The following ZBTB49 variants were observed in gnomAD, a reference collection of about 807,000 sequenced individuals.
ZBTB49 encodes zinc finger and BTB domain-containing protein 49.
ZBTB49 carries 43 observed loss-of-function variants against 57.5 expected under a neutral mutation model. The ratio of observed to expected loss-of-function variants is 0.75; its 90% CI spans 0.59 to 0.97. ZBTB49 has a LOEUF of 0.97. Among genes scored for constraint, ZBTB49 ranks in the 50% least tolerant of loss-of-function variants. ZBTB49 has a pLI of 0.00. For missense variants in ZBTB49, 938 were observed against 947.7 expected, an observed-to-expected ratio of 0.99 and a Z score of 0.13; for synonymous variants, 369 against 362.1, an observed-to-expected ratio of 1.02 and a Z score of -0.22.
At chr4:4,303,419 T>C (rs906387137) in intron 3 of ZBTB49, among the ~76,000 whole-genome samples, 10 of 152,220 alleles carry the variant, frequency 6.6e-5, no homozygotes, top group Admixed American at 3.9e-4. Flanking sequence ...AATTCTAAAA[T>C]GGATAAGCTA....
chr4:4,318,050 A>C (rs1042350981), intron 7 of ZBTB49, among the ~76,000 whole-genome samples: 3 of 152,128 alleles, frequency 2.0e-5, no homozygotes, highest in African/African-American at 7.2e-5. Flanking sequence ...GCAGGCCCAC[A>C]GCAGTGTGGC....
chr4:4,320,747 G>A lies in ZBTB49; in HGVS notation c.1729G>A (p.Val577Met), dbSNP rs1026708313. The A allele has an allele frequency of 1.2e-6, 2 of 1,614,236 alleles. No individual in the cohort carries two copies. The highest frequency in any genetic ancestry group is 8.5e-7 in the Non-Finnish European group (1 of 1,180,044). Reference sequence around the variant, plus strand: ...TAACAAGTGCTTTACCCGCTCTGCGGTGCTCCGGCGGCACAAGAAGATGCA... The same window carrying A: ...TAACAAGTGCTTTACCCGCTCTGCGATGCTCCGGCGGCACAAGAAGATGCA... ...ICNKCFTRSA[V>M]LRRHKKMHCK... The change falls in exon 8 of 8, where the codon GTG becomes ATG. Residue 577 changes from valine to methionine, a missense_variant. By Grantham distance (21) the Val-to-Met change is conservative. Transcript: ENST00000337872.
intron 7 of ZBTB49, among the ~76,000 whole-genome samples, chr4:4,319,876 G>A (rs957290902): frequency 6.6e-6 from 1 of 151,432 alleles, no homozygotes; most frequent in Non-Finnish European, 1.5e-5. Flanking sequence ...TGGCCAACAT[G>A]GTGAAATGCC....
At chr4:4,306,907 G>A (rs749876315) in intron 4 of ZBTB49, among the ~76,000 whole-genome samples, 9 of 152,226 alleles carry the variant, frequency 5.9e-5, no homozygotes, top group African/African-American at 1.4e-4. Flanking sequence ...TCACTGGCAC[G>A]ACTGTCTCAC....
intron 4 of ZBTB49, among the ~76,000 whole-genome samples, chr4:4,309,107 T>C (rs1416129662): frequency 2.6e-5 from 4 of 152,270 alleles, no homozygotes; most frequent in Non-Finnish European, 2.9e-5. Context: ...GGAATGCTGT[T>C]GTATAAAAAC....
intron 4 of ZBTB49, 23 bp from the exon 5 acceptor site, chr4:4,313,018 T>C: frequency 6.2e-7 from 1 of 1,613,176 alleles, no homozygotes; most frequent in Middle Eastern, 1.7e-4. Flanking sequence ...TATTGGTGTG[T>C]TTTTCTTTTC....
At chr4:4,313,483 G>A (rs1169898903) in intron 5 of ZBTB49, among the ~76,000 whole-genome samples, 1 of 152,176 alleles carries the variant, frequency 6.6e-6, no homozygotes, top group Non-Finnish European at 1.5e-5. Flanking sequence ...CTTGGCAGCT[G>A]AGTGACTAGA....
chr4:4,306,967 G>T (rs1720760771), intron 4 of ZBTB49, among the ~76,000 whole-genome samples: 1 of 152,220 alleles, frequency 6.6e-6, no homozygotes, highest in African/African-American at 2.4e-5. Context: ...GAGCTGGGAG[G>T]CAGGCCCCGC....
intron 4 of ZBTB49, among the ~76,000 whole-genome samples, chr4:4,307,029 A>G (rs531521185): frequency 6.6e-6 from 1 of 151,856 alleles, no homozygotes; most frequent in Admixed American, 6.6e-5. Context: ...CCTAGAGCAG[A>G]CTCTTCCAGT....
intron 5 of ZBTB49, among the ~76,000 whole-genome samples, chr4:4,313,857 G>A (rs1198192157): frequency 4.6e-5 from 7 of 152,276 alleles, no homozygotes; most frequent in African/African-American, 9.6e-5. Flanking sequence ...CCTTGGTTAC[G>A]TAGCTTTTAT....
At chr4:4,319,344 C>A (rs547720367) in intron 7 of ZBTB49, among the ~76,000 whole-genome samples, 1 of 152,248 alleles carries the variant, frequency 6.6e-6, no homozygotes, top group African/African-American at 2.4e-5. Context: ...GTGAAAAGTT[C>A]TAAATATTTG....
intron 1 of ZBTB49, among the ~76,000 whole-genome samples, chr4:4,292,511 G>A (rs547862672): frequency 3.3e-4 from 51 of 152,252 alleles, no homozygotes; most frequent in Non-Finnish European, 4.7e-4. Flanking sequence ...TTCCATCCTC[G>A]CGACAATCTG....
At chr4:4,303,657 T>C (rs1469762529) in intron 3 of ZBTB49, among the ~76,000 whole-genome samples, 1 of 152,080 alleles carries the variant, frequency 6.6e-6, no homozygotes, top group Non-Finnish European at 1.5e-5. Context: ...AATTTAAACA[T>C]TGAATTTTCA....
rs1721421662 is a variant in ZBTB49 at position 4,321,598 on chromosome 4, T to C, written c.*282T>C. 2.0e-6 allele frequency: 1 copy of C among 495,006 alleles called. No homozygotes were observed. Among genetic ancestry groups the C allele is most frequent in the Non-Finnish European group, 3.6e-6 (1 of 277,770 alleles). The allele number at this position is 495,006 out of a possible 1,614,324, so 30.7% of individuals were successfully genotyped here. ...GCCTCAGCTGTGGGGGGGAAGCGCG[T>C]GTGCATCGTGTCAACTACTGTACAT... On this transcript the variant is annotated 3_prime_UTR_variant, in exon 8 of 8. Transcript: ENST00000337872.
At position 4,313,218 on chromosome 4, in the gene ZBTB49, G is replaced by A. The variant is rs1721048146; in HGVS notation, c.1376+104G>A. On this transcript the variant is annotated intron_variant, in intron 5 of 7. Coordinates refer to ENST00000337872, the MANE Select transcript of ZBTB49 (RefSeq NM_145291.4). ...GTGGTGGCTCACAGATGAGCCACAG[G>A]TGGGCTCACCCTGCCACTGCAGAAC... 37 of 1,314,248 alleles carry A rather than the reference G, an allele frequency of 2.8e-5. No homozygotes were observed. In the South Asian group the frequency reaches 5.0e-4, roughly 18 times the overall value. The allele number at this position is 1,314,248 out of a possible 1,614,324, so 81.4% of individuals were successfully genotyped here. A position where few individuals can be genotyped will look rare whatever the true frequency, so the allele number is the denominator to read the frequency against.
rs371726033 is a variant in ZBTB49, at chr4:4,308,134, G to A, written c.1302+1950G>A. 1.1e-4 allele frequency among the ~76,000 whole-genome samples: 17 copies of A among 152,304 alleles called. No individual in the cohort carries two copies. The South Asian group carries it at 3.3e-3, about 30-fold the overall frequency. On this transcript the variant is annotated intron_variant, in intron 4 of 7. Transcript: ENST00000337872. ...GCTCTGTCGCCCAGGCTGGAGTACA[G>A]TGGCGCAATCTGGGCTCACTGCAAC... is the stretch of plus-strand genomic sequence containing the variant.
chr4:4,297,155 C>G (rs1284342520), intron 1 of ZBTB49, among the ~76,000 whole-genome samples: 1 of 152,170 alleles, frequency 6.6e-6, no homozygotes, highest in Admixed American at 6.5e-5. Context: ...ACTGCAACCT[C>G]CCCCGCCTGG....
chr4:4,301,768 T>A (rs1489540832), intron 2 of ZBTB49, among the ~76,000 whole-genome samples: 2 of 152,156 alleles, frequency 1.3e-5, no homozygotes, highest in Admixed American at 1.3e-4. Context: ...CTTTGAGATA[T>A]ATTTTGAAGT....
intron 4 of ZBTB49, among the ~76,000 whole-genome samples, chr4:4,308,966 G>A (rs1720861458): frequency 6.6e-6 from 1 of 152,180 alleles, no homozygotes; most frequent in African/African-American, 2.4e-5. Context: ...GGCATGCTGG[G>A]GCAAGAAAGC....
Sources: allele counts gnomAD v4.1 joint callset (sites outside exome capture counted in the v4.1 genomes callset), GRCh38; gene constraint gnomAD v4.1.1; transcripts MANE v1.5; gene names NCBI Gene and HGNC (gene_info 2026-07-23, HGNC 2026-07-21).